Variants in IKBKE observed in about 807,000 individuals in gnomAD.
The protein encoded by IKBKE is inhibitor of nuclear factor kappa-B kinase subunit epsilon.
A neutral mutation model predicts 92.1 loss-of-function variants in IKBKE; 45 were observed. The observed-to-expected ratio is 0.49, with a 90% CI of 0.38 to 0.63. IKBKE has a LOEUF of 0.63. Ranked by LOEUF, IKBKE falls within the 20% of genes least tolerant of loss-of-function variation. IKBKE has a pLI of 0.00. For synonymous variants in IKBKE, 374 were observed against 380.3 expected (o/e 0.98, Z 0.19); for missense variants, 700 against 932.8 (o/e 0.75, Z 3.25).
chr1:206,488,794 T>C (rs932861724), intron 16 of IKBKE, among the ~76,000 whole-genome samples: 5 of 152,184 alleles, frequency 3.3e-5, no homozygotes, highest in Non-Finnish European at 7.4e-5. Flanking sequence ...AGAAATATAA[T>C]GCCAGACACG....
Position 206,487,831 on chromosome 1 carries a change from C to T in IKBKE, c.1617-83C>T. 9.0e-7 allele frequency: 1 copy of T among 1,117,014 alleles called. No individual in the cohort carries two copies. Among genetic ancestry groups the T allele is most frequent in the Non-Finnish European group, 1.3e-6 (1 of 753,096 alleles). The allele number at this position is 1,117,014 out of a possible 1,614,324, so 69.2% of individuals were successfully genotyped here. A position where few individuals can be genotyped will look rare whatever the true frequency, so the allele number is the denominator to read the frequency against. Reference sequence around the variant, plus strand: ...GTGGCTGTGAGGCTCCTCCCCTATTCCACTGCCACCCTTCCCCTCCCTCCC... The same window carrying T: ...GTGGCTGTGAGGCTCCTCCCCTATTTCACTGCCACCCTTCCCCTCCCTCCC... On this transcript the variant is annotated intron_variant, in intron 15 of 21. Coordinates refer to ENST00000581977, the MANE Select transcript of IKBKE (RefSeq NM_014002.4). The surrounding 1 kb of genome is among the most constrained non-coding windows in gnomAD (Gnocchi z 5.3).
Position 206,476,105 on chromosome 1 carries a change from T to G in IKBKE, c.359-76T>G. The G allele has an allele frequency of 7.0e-7, 1 of 1,437,264 alleles. No homozygotes were observed. Among genetic ancestry groups the G allele is most frequent in the Non-Finnish European group, 9.7e-7 (1 of 1,033,530 alleles). 89.0% of individuals were successfully genotyped at this position (1,437,264 alleles called of 1,614,324 possible). A position where few individuals can be genotyped will look rare whatever the true frequency, so the allele number is the denominator to read the frequency against. On this transcript the variant is annotated intron_variant, in intron 5 of 21. Transcript: ENST00000581977. The surrounding 1 kb of genome is among the most constrained non-coding windows in gnomAD (Gnocchi z 5.1). ...TGTCTCTCTGGATGCAAGGACAGCC[T>G]TCCCACCAAGATGAGCCTCAGACAC...
rs187201846 is a variant in IKBKE, at chr1:206,478,507, C to T, written c.992+168C>T. On this transcript the variant is annotated intron_variant, in intron 9 of 21. Coordinates refer to ENST00000581977, the MANE Select transcript of IKBKE (RefSeq NM_014002.4). This position sits in a 1 kb window ranked among gnomAD's most constrained non-coding sequence, Gnocchi z 4.8. Reference sequence around the variant, plus strand: ...CTAGTTCTACAAAGTTAAAGCTAAACAGGTTTTCTTGCATGTACTTCAGAG... The same window carrying T: ...CTAGTTCTACAAAGTTAAAGCTAAATAGGTTTTCTTGCATGTACTTCAGAG... Among the ~76,000 whole-genome samples, 66 of 152,340 alleles carry T rather than the reference C, an allele frequency of 4.3e-4. No individual in the cohort carries two copies. The highest frequency in any genetic ancestry group is 2.1e-3 in the Admixed American group (32 of 15,292).
At chr1:206,492,320 A>G in intron 18 of IKBKE, 1 of 402,684 alleles carries the variant, frequency 2.5e-6, no homozygotes, top group Non-Finnish European at 5.2e-6. Context: ...GCCTGTGTGA[A>G]CACTGGCCCC....
Position 206,477,859 on chromosome 1 carries a change from T to A in IKBKE, c.812T>A (p.Leu271Gln). 6.5e-7 allele frequency: 1 copy of A among 1,536,068 alleles called. No homozygotes were observed. Among genetic ancestry groups the A allele is most frequent in the Non-Finnish European group, 8.8e-7 (1 of 1,132,694 alleles). Residue 271 changes from leucine (L) to glutamine (Q), a missense_variant and splice_region_variant, in exon 8 of 22, where the codon CTG becomes CAG. Transcript: ENST00000581977. Reference sequence around the variant, plus strand: ...CTCCCCATCACCTGCCAGCTGTCACTGTGAGTGGGACCCTGCTGGGGGGTG... The same window carrying A: ...CTCCCCATCACCTGCCAGCTGTCACAGTGAGTGGGACCCTGCTGGGGGGTG... ...YTLPITCQLSLGLQSQLVPIL... is the reference protein window; with the variant it reads ...YTLPITCQLSQGLQSQLVPIL...
At position 206,476,219 on chromosome 1, in the gene IKBKE, C is replaced by G; in HGVS notation, c.397C>G (p.His133Asp). ...CCACCTGCGGGAGAACGGCATTGTG[C>G]ATCGCGACATCAAGCCGGGGAACAT... ...MNHLRENGIV[H>D]RDIKPGNIMR... Residue 133 changes from histidine to aspartate, a missense_variant, in exon 6 of 22, where the codon CAT (histidine) becomes GAT (aspartate). Transcript: ENST00000581977. The surrounding 1 kb of genome is among the most constrained non-coding windows in gnomAD (Gnocchi z 5.1). 2 of 1,614,156 alleles carry G rather than the reference C, an allele frequency of 1.2e-6. No homozygotes were observed. The highest frequency in any genetic ancestry group is 2.7e-5 in the African/African-American group (2 of 75,030).
Position 206,476,684 on chromosome 1 carries a change from G to A in IKBKE, c.547G>A (p.Asp183Asn), listed in dbSNP as rs201666998. The A allele has an allele frequency of 5.1e-5, 82 of 1,614,194 alleles. No homozygotes were observed. In the East Asian group the frequency reaches 9.6e-4, roughly 19 times the overall value. The change falls in exon 7 of 22, where the codon GAC (aspartate) becomes AAC (asparagine). Residue 183 changes from aspartate to asparagine, a missense_variant. Transcript: ENST00000581977. This position sits in a 1 kb window ranked among gnomAD's most constrained non-coding sequence, Gnocchi z 5.1. ...TTCTGGTTCTCTCCGGCAGCATCCC[G>A]ACATGTATGAGCGGGCGGTGCTTCG... ...VYGTEEYLHP[D>N]MYERAVLRKP...
chr1:206,480,392 C>T (rs2103464013), intron 12 of IKBKE, 55 bp from the exon 13 acceptor site: 1 of 1,404,600 alleles, frequency 7.1e-7, no homozygotes, highest in East Asian at 2.3e-5. Flanking sequence ...TGTCTGCATG[C>T]ACGGTGCTGA....
At chr1:206,491,102 C>A (rs968549329) in intron 17 of IKBKE, 54 of 577,238 alleles carry the variant, frequency 9.4e-5, no homozygotes, top group Admixed American at 6.0e-5. Context: ...AGACTGTTTG[C>A]AGGCTTTTTT....
chr1:206,474,520 G>T, intron 4 of IKBKE, 49 bp downstream of exon 4: 3 of 1,546,364 alleles, frequency 1.9e-6, no homozygotes, highest in Middle Eastern at 3.4e-4. Context: ...GACCCTTATG[G>T]TCTGGGGAGA....
At position 206,485,511 on chromosome 1, in the gene IKBKE, C is replaced by G. The variant is rs1422811480; in HGVS notation, c.1616+205C>G. On this transcript the variant is annotated intron_variant, in intron 15 of 21. Coordinates refer to ENST00000581977, the MANE Select transcript of IKBKE (RefSeq NM_014002.4). This position sits in a 1 kb window ranked among gnomAD's most constrained non-coding sequence, Gnocchi z 5.0. ...ACACCAGCCAGGAGGAGAAAAGGATCTGGGGTCCTGCACCCATCTTGGAGT... is the reference window on the plus strand; with the variant it reads ...ACACCAGCCAGGAGGAGAAAAGGATGTGGGGTCCTGCACCCATCTTGGAGT... Among the ~76,000 whole-genome samples the G allele has an allele frequency of 2.0e-5, 3 of 152,212 alleles. No homozygotes were observed. The highest frequency in any genetic ancestry group is 4.4e-5 in the Non-Finnish European group (3 of 68,038).
At chr1:206,470,823 G>T (rs1213489746) in intron 1 of IKBKE, 125 bp downstream of exon 1, 1 of 152,220 alleles carries the variant, frequency 6.6e-6, no homozygotes, top group South Asian at 2.1e-4. Flanking sequence ...CACATAGAGC[G>T]TTGTGTGTGG....
chr1:206,484,934 C>T, intron 13 of IKBKE, 63 bp from the exon 14 acceptor site: 2 of 1,323,942 alleles, frequency 1.5e-6, no homozygotes, highest in Non-Finnish European at 2.2e-6. Flanking sequence ...ACAGAGCTCT[C>T]TGCCTCCCAC....
Position 206,474,563 on chromosome 1 carries a change from A to G in IKBKE, c.228+92A>G, listed in dbSNP as rs1326367484. On this transcript the variant is annotated intron_variant, in intron 4 of 21. Coordinates refer to ENST00000581977, the MANE Select transcript of IKBKE (RefSeq NM_014002.4). ...CACATGATAACAGAGATTTGGTCCCATGCTCATCAGCAGGTCAGAGACAGC... is the reference window on the plus strand; with the variant it reads ...CACATGATAACAGAGATTTGGTCCCGTGCTCATCAGCAGGTCAGAGACAGC... The G allele has an allele frequency of 3.0e-6, 4 of 1,328,720 alleles. No individual in the cohort carries two copies. In the African/African-American group the frequency reaches 5.9e-5, roughly 20 times the overall value. 82.3% of individuals were successfully genotyped at this position (1,328,720 alleles called of 1,614,324 possible).
chr1:206,492,902 C>T (rs554787723), intron 18 of IKBKE, 121 bp from the exon 19 acceptor site: 92 of 818,972 alleles, frequency 1.1e-4, no homozygotes, highest in African/African-American at 5.9e-4. Context: ...GCAGAGGCAG[C>T]GAGGGAGGCA....
At chr1:206,474,789 A>G in intron 4 of IKBKE, 76 bp from the exon 5 acceptor site, 1 of 1,551,128 alleles carries the variant, frequency 6.4e-7, no homozygotes, top group Admixed American at 1.8e-5. Context: ...TCTGGGCTCC[A>G]GGCTGAGCCA....
At chr1:206,483,468 G>T (rs1223759833) in intron 13 of IKBKE, among the ~76,000 whole-genome samples, 1 of 152,140 alleles carries the variant, frequency 6.6e-6, no homozygotes, top group Non-Finnish European at 1.5e-5. Context: ...ACGTTGCTAG[G>T]CACGAGACGT....
At chr1:206,496,085 A>T (rs1553392006) in intron 21 of IKBKE, 27 bp from the exon 22 acceptor site, 4 of 1,606,034 alleles carry the variant, frequency 2.5e-6, no homozygotes, top group Non-Finnish European at 3.4e-6. Context: ...ACAGGTGGGC[A>T]CTGCTAGCCT....
Position 206,476,385 on chromosome 1 carries a change from G to T in IKBKE, c.540+23G>T, listed in dbSNP as rs199783149. 1.4e-3 allele frequency: 2,256 copies of T among 1,579,700 alleles called. 5 individuals are homozygous for T. The highest frequency in any genetic ancestry group is 1.8e-3 in the Non-Finnish European group (2,124 of 1,159,366). On this transcript the variant is annotated intron_variant, in intron 6 of 21. Coordinates refer to ENST00000581977, the MANE Select transcript of IKBKE (RefSeq NM_014002.4). The surrounding 1 kb of genome is among the most constrained non-coding windows in gnomAD (Gnocchi z 5.1). The stretch of plus-strand genomic sequence containing the variant: ...CTGGTGGGTGAGCTGCTCGAGACCC[G>T]CTGCCCTATGCTGAGGGCTCCCCTT...
Sources: allele counts gnomAD v4.1 joint callset (sites outside exome capture counted in the v4.1 genomes callset), GRCh38; gene constraint gnomAD v4.1.1; non-coding constraint Gnocchi (gnomAD v3.1); transcripts MANE v1.5; gene names NCBI Gene and HGNC (gene_info 2026-07-23, HGNC 2026-07-21).